Variants in ATP10B observed in about 807,000 individuals in gnomAD.
The protein encoded by ATP10B is ATPase phospholipid transporting 10B (putative).
A neutral mutation model predicts 141.2 loss-of-function variants in ATP10B; 122 were observed. The observed-to-expected ratio is 0.86, with a 90% CI of 0.75 to 1.00. The LOEUF (loss-of-function observed/expected upper bound fraction) is 1.00, where lower values mean the gene tolerates loss of function less well. Among genes scored for constraint, ATP10B ranks in the 50% least tolerant of loss-of-function variants. The pLI, the probability that ATP10B is intolerant of heterozygous loss-of-function variation, is 0.00. For missense variants in ATP10B, 1,876 were observed against 1,825.3 expected, an observed-to-expected ratio of 1.03 and a Z score of -0.51; for synonymous variants, 685 against 692.0, an observed-to-expected ratio of 0.99 and a Z score of 0.16.
intron 18 of ATP10B, among the ~76,000 whole-genome samples, chr5:160,607,345 G>A (rs1757451358): frequency 6.6e-6 from 1 of 152,216 alleles, no homozygotes; most frequent in Non-Finnish European, 1.5e-5. Context: ...GATGGAGATA[G>A]ACACAAGGAT....
At chr5:160,890,304 C>T in the ATP10B span, among the ~76,000 whole-genome samples, 31 of 152,286 alleles carry the variant, frequency 2.0e-4, no homozygotes, top group Non-Finnish European at 4.0e-4. Context: ...GCTAAAGTCA[C>T]ATGACTTAAA....
chr5:160,777,530 T>C (rs536546937), intron 2 of ATP10B, among the ~76,000 whole-genome samples: 1 of 152,322 alleles, frequency 6.6e-6, no homozygotes, highest in African/African-American at 2.4e-5. Context: ...CATGGTAGCA[T>C]TGTGGGGCTT....
intron 22 of ATP10B, 101 bp from the exon 23 acceptor site, chr5:160,591,240 A>G (rs956719782): frequency 1.2e-6 from 1 of 841,580 alleles, no homozygotes; most frequent in Non-Finnish European, 1.9e-6. Context: ...AACCAGACGC[A>G]TACAATGCCT....
At chr5:160,766,516 C>T (rs1769444520) in intron 2 of ATP10B, among the ~76,000 whole-genome samples, 1 of 152,056 alleles carries the variant, frequency 6.6e-6, no homozygotes, top group South Asian at 2.1e-4. Flanking sequence ...GTTGTATGTT[C>T]TCACTTATAA....
intron 18 of ATP10B, among the ~76,000 whole-genome samples, chr5:160,611,600 G>T (rs1304701082): frequency 6.6e-6 from 1 of 152,032 alleles, no homozygotes; most frequent in African/African-American, 2.4e-5. Flanking sequence ...AGGTCCTCTG[G>T]CATTTTTCAT....
At chr5:160,881,327 C>G in the ATP10B span, among the ~76,000 whole-genome samples, 1 of 152,168 alleles carries the variant, frequency 6.6e-6, no homozygotes, top group Non-Finnish European at 1.5e-5. Context: ...GAGAAACTCT[C>G]CTTCACTACT....
chr5:160,860,455 T>C, the ATP10B span, among the ~76,000 whole-genome samples: 2 of 151,934 alleles, frequency 1.3e-5, no homozygotes, highest in African/African-American at 4.8e-5. Flanking sequence ...GTTCTTCCTC[T>C]AGATACATGT....
intron 2 of ATP10B, among the ~76,000 whole-genome samples, chr5:160,733,669 A>C (rs1402530766): frequency 3.0e-5 from 1 of 32,950 alleles, no homozygotes; most frequent in Admixed American, 1.7e-4. Flanking sequence ...GTAACGTTAT[A>C]TATATATATA....
At chr5:160,828,380 T>C (rs1455800640) in intron 1 of ATP10B, among the ~76,000 whole-genome samples, 4 of 151,804 alleles carry the variant, frequency 2.6e-5, no homozygotes, top group African/African-American at 9.7e-5. Context: ...AACAACCCCA[T>C]CAAAAAGTGG....
At position 160,636,240 on chromosome 5, in the gene ATP10B, A is replaced by C. The variant is rs748885351; in HGVS notation, c.1070T>G (p.Phe357Cys). 6.2e-7 allele frequency: 1 copy of C among 1,613,770 alleles called. No homozygotes were observed. The highest frequency in any genetic ancestry group is 1.1e-5 in the South Asian group (1 of 90,998). ...GAAGCCCCCAAGGGCACTGGGAAGGAAGCTGCCATTGGCATCTGGCACATC... is the reference window on the plus strand; with the variant it reads ...GAAGCCCCCAAGGGCACTGGGAAGGCAGCTGCCATTGGCATCTGGCACATC... ...PFDVPDANGSFLPSALGGFYM... is the reference protein window; with the variant it reads ...PFDVPDANGSCLPSALGGFYM... The change falls in exon 11 of 26, where the codon TTC (phenylalanine) becomes TGC (cysteine). Residue 357 changes from phenylalanine to cysteine, a missense_variant. Physicochemically the swap from Phe to Cys is radical, Grantham distance 205 (BLOSUM62 -2). Coordinates refer to ENST00000327245, the MANE Select transcript of ATP10B (RefSeq NM_025153.3).
the ATP10B span, among the ~76,000 whole-genome samples, chr5:160,917,742 G>T: frequency 6.6e-6 from 1 of 152,164 alleles, no homozygotes; most frequent in African/African-American, 2.4e-5. Context: ...GTCTGGGGAT[G>T]TCAGACCTAT....
At chr5:160,843,982 A>G (rs569700420) in intron 1 of ATP10B, among the ~76,000 whole-genome samples, 7 of 152,220 alleles carry the variant, frequency 4.6e-5, no homozygotes, top group African/African-American at 1.7e-4. Context: ...GAATCCCCAA[A>G]ATTGAATTAA....
chr5:160,856,983 C>T (rs1561927815), upstream of ATP10B, among the ~76,000 whole-genome samples: 1 of 151,606 alleles, frequency 6.6e-6, no homozygotes. Flanking sequence ...TTGTTAATAA[C>T]TTTTGCATTT....
chr5:160,607,049 T>C lies in ATP10B; in HGVS notation c.2876A>G (p.Glu959Gly). The C allele has an allele frequency of 1.2e-6, 2 of 1,614,118 alleles. No homozygotes were observed. Among genetic ancestry groups the C allele is most frequent in the South Asian group, 2.2e-5 (2 of 91,084 alleles). Residue 959 changes from glutamate (E) to glycine (G), a missense_variant, in exon 19 of 26, where the codon GAG (glutamate) becomes GGG (glycine). Coordinates refer to ENST00000327245, the MANE Select transcript of ATP10B (RefSeq NM_025153.3). ...CESILNCALEELKQFRELQKP... is the reference protein window; with the variant it reads ...CESILNCALEGLKQFRELQKP... ...CTGTAGTTCACGAAATTGCTTTAGC[T>C]CTTCCAATGCACAATTGAGGATGGA...
chr5:160,660,328 T>G (rs1254060960), intron 7 of ATP10B, among the ~76,000 whole-genome samples: 3 of 152,218 alleles, frequency 2.0e-5, no homozygotes, highest in Non-Finnish European at 4.4e-5. Context: ...TGAAAAGGAC[T>G]CAGGAGCCAC....
At chr5:160,815,805 A>G (rs1422528135) in intron 1 of ATP10B, among the ~76,000 whole-genome samples, 4 of 152,220 alleles carry the variant, frequency 2.6e-5, no homozygotes, top group Non-Finnish European at 5.9e-5. Context: ...AAATTATAAC[A>G]AACTGTCTCT....
rs1409592812 is a variant in ATP10B at position 160,654,068 on chromosome 5, C to T, written c.676-4812G>A. Among the ~76,000 whole-genome samples, 5 of 114,396 alleles carry T rather than the reference C, an allele frequency of 4.4e-5. 2 individuals are homozygous for T. Among genetic ancestry groups the T allele is most frequent in the African/African-American group, 9.8e-5 (3 of 30,722 alleles). The allele number at this position is 114,396 out of a possible 152,430, so 75.0% of individuals were successfully genotyped here. On this transcript the variant is annotated intron_variant, in intron 7 of 25. Transcript: ENST00000327245. ...CATATATAAATATATGTTGTATATA[C>T]GTATATACATATAAATATATGTTGT...
At chr5:160,837,561 T>G (rs1006575576) in intron 1 of ATP10B, among the ~76,000 whole-genome samples, 1 of 152,310 alleles carries the variant, frequency 6.6e-6, no homozygotes, top group Non-Finnish European at 1.5e-5. Flanking sequence ...ATGATTTTTT[T>G]CAGTAAAATC....
intron 1 of ATP10B, among the ~76,000 whole-genome samples, chr5:160,801,855 G>A (rs989323443): frequency 1.3e-5 from 2 of 152,116 alleles, no homozygotes; most frequent in Non-Finnish European, 2.9e-5. Context: ...ACGGTTCTTC[G>A]AAACAGATTG....
Sources: allele counts gnomAD v4.1 joint callset (sites outside exome capture counted in the v4.1 genomes callset), GRCh38; gene constraint gnomAD v4.1.1; transcripts MANE v1.5; gene names NCBI Gene and HGNC (gene_info 2026-07-23, HGNC 2026-07-21).